Variants in GAPVD1 observed in about 807,000 individuals in gnomAD.
The protein encoded by GAPVD1 is GTPase-activating protein and VPS9 domain-containing protein 1.
GAPVD1 carries 35 observed loss-of-function variants against 155.5 expected under a neutral mutation model. The observed-to-expected ratio is 0.23, with a 90% confidence interval of 0.17 to 0.30. GAPVD1 has a LOEUF of 0.30. Ranked by LOEUF, GAPVD1 falls within the 10% of genes least tolerant of loss-of-function variation. GAPVD1 has a pLI of 1.00. For synonymous variants in GAPVD1, 636 were observed against 619.7 expected, an observed-to-expected ratio of 1.03 and a Z score of -0.39; for missense variants, 1,429 against 1,775.7, an observed-to-expected ratio of 0.80 and a Z score of 3.51.
At position 125,293,864 on chromosome 9, in the gene GAPVD1, A is replaced by AT. The variant is rs1564311232; in HGVS notation, c.-149-1593dup. 2.0e-4 allele frequency among the ~76,000 whole-genome samples: 3 copies of AT among 14,736 alleles called. No homozygotes were observed. In the Admixed American group the frequency reaches 2.8e-3, roughly 14 times the overall value. The allele number at this position is 14,736 out of a possible 152,430, so 9.7% of individuals were successfully genotyped here. Reference sequence around the variant, plus strand: ...ATAAAAATATATTTTATATATATATATATATATATATATATATATATATAT... The same window carrying AT: ...ATAAAAATATATTTTATATATATATATTATATATATATATATATATATATAT... On this transcript the variant is annotated intron_variant, in intron 2 of 27. Transcript: ENST00000297933.
At chr9:125,298,581 C>G (rs530641185) in intron 3 of GAPVD1, among the ~76,000 whole-genome samples, 1 of 149,582 alleles carries the variant, frequency 6.7e-6, no homozygotes, top group Non-Finnish European at 1.5e-5. Flanking sequence ...CTCTGTCTCC[C>G]GGGTTCAAGG....
chr9:125,279,668 A>G (rs901904005), intron 2 of GAPVD1, among the ~76,000 whole-genome samples: 16 of 151,792 alleles, frequency 1.1e-4, no homozygotes, highest in African/African-American at 2.9e-4. Flanking sequence ...AAGTGTAGGC[A>G]TCGGTATATA....
chr9:125,299,312 A>G (rs773155930), intron 4 of GAPVD1, among the ~76,000 whole-genome samples: 7 of 152,230 alleles, frequency 4.6e-5, no homozygotes, highest in Admixed American at 6.5e-5. Flanking sequence ...TTGTAACTTA[A>G]GCATTGACAT....
Position 125,302,653 on chromosome 9 carries a change from C to G in GAPVD1, c.856C>G (p.Gln286Glu). Reference protein sequence around the residue: ...FPHSLRWIVSQMYKTLSCVDR... With the variant: ...FPHSLRWIVSEMYKTLSCVDR... ...ACATAGTTTAAGGTGGATCGTGTCT[C>G]AGATGTACAAAACCCTCTCCTGTGT... The change falls in exon 5 of 28, where the codon CAG becomes GAG. Residue 286 changes from glutamine (Q) to glutamate (E), a missense_variant. By Grantham distance (29) the Gln-to-Glu change is conservative. Transcript: ENST00000297933. The G allele has an allele frequency of 6.2e-7, 1 of 1,613,974 alleles. No homozygotes were observed. The highest frequency in any genetic ancestry group is 8.5e-7 in the Non-Finnish European group (1 of 1,179,868).
At chr9:125,342,324 G>C in intron 19 of GAPVD1, 25 bp downstream of exon 19, 1 of 1,256,160 alleles carries the variant, frequency 8.0e-7, no homozygotes, top group Non-Finnish European at 1.2e-6. Flanking sequence ...GGACTTCCTG[G>C]CTCCTTCATT....
At chr9:125,267,236 G>A (rs550331067) in intron 1 of GAPVD1, among the ~76,000 whole-genome samples, 69 of 152,230 alleles carry the variant, frequency 4.5e-4, no homozygotes, top group African/African-American at 1.6e-3. Flanking sequence ...GGGAATCCGA[G>A]ACGGTCAGAT....
At chr9:125,268,155 A>T (rs1834278533) in intron 1 of GAPVD1, among the ~76,000 whole-genome samples, 2 of 148,808 alleles carry the variant, frequency 1.3e-5, no homozygotes, top group Non-Finnish European at 3.0e-5. Flanking sequence ...CAAGAACAAA[A>T]CTCTGTCTCA....
At chr9:125,276,068 T>C (rs532305449) in intron 2 of GAPVD1, among the ~76,000 whole-genome samples, 66 of 152,338 alleles carry the variant, frequency 4.3e-4, no homozygotes, top group African/African-American at 1.5e-3. Context: ...TTCGTTTACT[T>C]TTGACATCTT....
chr9:125,347,043 T>C (rs1228350142), intron 20 of GAPVD1, 102 bp downstream of exon 20: 1 of 1,134,818 alleles, frequency 8.8e-7, no homozygotes, highest in Non-Finnish European at 1.3e-6. Flanking sequence ...GCTAAGGGAG[T>C]CAGTTTACTA....
intron 3 of GAPVD1, among the ~76,000 whole-genome samples, chr9:125,296,852 G>T (rs1453287884): frequency 6.6e-6 from 1 of 151,236 alleles, no homozygotes; most frequent in Non-Finnish European, 1.5e-5. Context: ...TAGAGACAGG[G>T]TCTCACCATG....
chr9:125,362,050 T>C (rs1851004824), intron 27 of GAPVD1, among the ~76,000 whole-genome samples: 1 of 152,180 alleles, frequency 6.6e-6, no homozygotes, highest in Non-Finnish European at 1.5e-5. Flanking sequence ...CTAGTTCCTG[T>C]GTAGAGCCAG....
intron 4 of GAPVD1, 76 bp downstream of exon 4, chr9:125,299,182 ATGAATC>A (rs1245459297): frequency 2.2e-5 from 16 of 741,666 alleles, no homozygotes; most frequent in Non-Finnish European, 3.3e-5. Context: ...CTATAAATAA[ATGAATC>A]TGTTTCCAAC....
chr9:125,345,096 G>A (rs1228500007), intron 19 of GAPVD1, among the ~76,000 whole-genome samples: 1 of 151,840 alleles, frequency 6.6e-6, no homozygotes, highest in South Asian at 2.1e-4. Context: ...TGGAAACTGT[G>A]TATGTGAAAA....
At chr9:125,301,074 A>ATT (rs201178663) in intron 4 of GAPVD1, among the ~76,000 whole-genome samples, 6 of 144,444 alleles carry the variant, frequency 4.2e-5, no homozygotes, top group East Asian at 4.0e-4. Context: ...ACTGTAGCTG[A>ATT]TTTTTTTTTT....
At chr9:125,307,665 T>G in intron 7 of GAPVD1, 26 bp from the exon 8 acceptor site, 1 of 1,595,072 alleles carries the variant, frequency 6.3e-7, no homozygotes, top group Non-Finnish European at 8.6e-7. Flanking sequence ...GTGATTTCAT[T>G]AGCTAATGTT....
chr9:125,324,051 TTCA>T, intron 11 of GAPVD1, 128 bp downstream of exon 11: 1 of 723,752 alleles, frequency 1.4e-6, no homozygotes, highest in South Asian at 1.8e-5. Context: ...TTAACATTTA[TTCA>T]TCATTCCTTC....
At chr9:125,272,509 G>C (rs944880249) in intron 2 of GAPVD1, among the ~76,000 whole-genome samples, 3 of 152,138 alleles carry the variant, frequency 2.0e-5, no homozygotes, top group Non-Finnish European at 2.9e-5. Context: ...ATAAGTTTCT[G>C]TTCCTTAGTT....
rs1844727321 is a variant in GAPVD1 at position 125,323,692 on chromosome 9, TA to T, written c.1733-101del. On this transcript the variant is annotated intron_variant, in intron 10 of 27. Coordinates refer to ENST00000297933, the MANE Select transcript of GAPVD1 (RefSeq NM_001282680.3). ...TGTTTTTTTAAGGTATAAAAAGTATTAAAAACACTTTAATCAGTTGTTAGTC... is the reference window on the plus strand; with the variant it reads ...TGTTTTTTTAAGGTATAAAAAGTATTAAAACACTTTAATCAGTTGTTAGTC... 54 of 1,102,144 alleles carry T rather than the reference TA, an allele frequency of 4.9e-5. 1 individual carries two copies. In the South Asian group the frequency reaches 6.3e-4, roughly 13 times the overall value. 68.3% of individuals were successfully genotyped at this position (1,102,144 alleles called of 1,614,324 possible). A position where few individuals can be genotyped will look rare whatever the true frequency, so the allele number is the denominator to read the frequency against.
rs1845187914 is a variant in GAPVD1 at position 125,326,430 on chromosome 9, A to T, written c.1873A>T (p.Asn625Tyr). 1 of 1,611,102 alleles carries T rather than the reference A, an allele frequency of 6.2e-7. No homozygotes were observed. The highest frequency in any genetic ancestry group is 8.5e-7 in the Non-Finnish European group (1 of 1,177,372). ...GTTTTTGATAGCTACAACACAGGATAACCTTGATGATAAGCTAAGGAAGTT... is the reference window on the plus strand; with the variant it reads ...GTTTTTGATAGCTACAACACAGGATTACCTTGATGATAAGCTAAGGAAGTT... ...LEHEQATTQDNLDDKLRKFEI... is the reference protein window; with the variant it reads ...LEHEQATTQDYLDDKLRKFEI... The change falls in exon 12 of 28, where the codon AAC (asparagine) becomes TAC (tyrosine). Residue 625 changes from asparagine to tyrosine, a missense_variant. Physicochemically the swap from Asn to Tyr is moderately radical, Grantham distance 143. Coordinates refer to ENST00000297933, the MANE Select transcript of GAPVD1 (RefSeq NM_001282680.3).
Sources: gnomAD v4.1 joint callset for allele counts (sites outside exome capture counted in the v4.1 genomes callset) on GRCh38, gnomAD v4.1.1 for gene constraint, MANE v1.5 for transcripts, NCBI Gene and HGNC (gene_info 2026-07-23, HGNC 2026-07-21) for gene names.